The following THSD7B variants were observed in gnomAD, a reference collection of about 807,000 sequenced individuals.
THSD7B encodes the protein thrombospondin type-1 domain-containing protein 7B.
THSD7B carries 138 observed loss-of-function variants against 213.6 expected under a neutral mutation model. The ratio of observed to expected loss-of-function variants is 0.65; its 90% confidence interval spans 0.56 to 0.74. The LOEUF is 0.74. Ranked by LOEUF, THSD7B falls within the 30% of genes least tolerant of loss-of-function variation. The probability of loss-of-function intolerance (pLI) is 0.00; values close to 1 mark genes in which losing one functional copy is unlikely to be tolerated. For synonymous variants in THSD7B, 742 were observed against 687.0 expected (o/e 1.08, Z -1.25); for missense variants, 1,931 against 1,991.5 (o/e 0.97, Z 0.58).
intron 5 of THSD7B, among the ~76,000 whole-genome samples, chr2:137,134,739 G>T (rs1432206): frequency 0.67 from 101,243 of 152,078 alleles, 35,645 homozygotes; most frequent in Non-Finnish European, 0.77. Context: ...TCTGGAACAA[G>T]AGGCTCAATT....
At chr2:136,814,282 G>T (rs1682435331) in intron 1 of THSD7B, among the ~76,000 whole-genome samples, 2 of 152,148 alleles carry the variant, frequency 1.3e-5, no homozygotes, top group African/African-American at 4.8e-5. Flanking sequence ...ATTAGCCTCG[G>T]AATGGGCTTG....
intron 12 of THSD7B, among the ~76,000 whole-genome samples, chr2:137,348,250 G>GTCACCACCTTT (rs1360294113): frequency 1.3e-5 from 2 of 151,684 alleles, no homozygotes; most frequent in African/African-American, 2.4e-5. Context: ...ATTACACAAG[G>GTCACCACCTTT]TGGTGTCAAA....
At chr2:137,607,822 A>T (rs1319183899) in intron 17 of THSD7B, among the ~76,000 whole-genome samples, 1 of 152,218 alleles carries the variant, frequency 6.6e-6, no homozygotes, top group Admixed American at 6.5e-5. Flanking sequence ...GATTGTAAAT[A>T]TGCAACTTCA....
Position 137,117,731 on chromosome 2 carries a change from TG to T in THSD7B, c.1369+2445del, listed in dbSNP as rs906828886. ...CTGATTTTAGAGGAATTTACAATCTTGGGGGGGAAAAACAGACTTCATTTCC... is the reference window on the plus strand; with the variant it reads ...CTGATTTTAGAGGAATTTACAATCTTGGGGGGAAAAACAGACTTCATTTCC... On this transcript the variant is annotated intron_variant, in intron 5 of 27. Coordinates refer to ENST00000409968, the MANE Select transcript of THSD7B (RefSeq NM_001316349.2). 6.6e-5 allele frequency among the ~76,000 whole-genome samples: 10 copies of T among 152,156 alleles called. No individual in the cohort carries two copies. The South Asian group carries it at 1.2e-3, about 19-fold the overall frequency.
chr2:137,616,164 G>A lies in THSD7B; in HGVS notation c.3424-11G>A. The A allele has an allele frequency of 1.2e-6, 2 of 1,609,114 alleles. No homozygotes were observed. The highest frequency in any genetic ancestry group is 1.7e-5 in the Admixed American group (1 of 58,950). On this transcript the variant is annotated splice_polypyrimidine_tract_variant and intron_variant, in intron 17 of 27. Coordinates refer to ENST00000409968, the MANE Select transcript of THSD7B (RefSeq NM_001316349.2). ...GCCCACAGTCAACTTTTCCTACTCT[G>A]ATTTTAATAGTCATGCGATCCCCAC...
At position 136,921,009 on chromosome 2, in the gene THSD7B, G is replaced by T. The variant is rs573585288; in HGVS notation, c.139+38692G>T. 2.6e-5 allele frequency among the ~76,000 whole-genome samples: 4 copies of T among 152,214 alleles called. No homozygotes were observed. In the East Asian group the frequency reaches 7.8e-4, roughly 30 times the overall value. On this transcript the variant is annotated intron_variant, in intron 2 of 27. Coordinates refer to ENST00000409968, the MANE Select transcript of THSD7B (RefSeq NM_001316349.2). The stretch of plus-strand genomic sequence containing the variant: ...CTTCCTGGGCCCCTGAGAGCCCAGG[G>T]ATGCCAGGGTCTGGAGCTGAACTCG...
intron 14 of THSD7B, among the ~76,000 whole-genome samples, chr2:137,413,824 C>T (rs1289331376): frequency 1.3e-5 from 2 of 152,144 alleles, no homozygotes; most frequent in Non-Finnish European, 2.9e-5. Flanking sequence ...CTTTTGACTA[C>T]TGTCTACAGA....
intron 1 of THSD7B, among the ~76,000 whole-genome samples, chr2:136,777,506 C>T (rs941240316): frequency 3.3e-5 from 5 of 152,076 alleles, no homozygotes; most frequent in Non-Finnish European, 4.4e-5. Flanking sequence ...TCCCAGTTGT[C>T]AAATCCAAAA....
intron 21 of THSD7B, among the ~76,000 whole-genome samples, chr2:137,651,686 CATTT>C (rs1422283963): frequency 6.6e-6 from 1 of 151,952 alleles, no homozygotes; most frequent in Non-Finnish European, 1.5e-5. Context: ...TCAATGTAGA[CATTT>C]ATTGCTGTAA....
At chr2:136,892,537 G>T (rs1020115451) in intron 2 of THSD7B, among the ~76,000 whole-genome samples, 2 of 151,958 alleles carry the variant, frequency 1.3e-5, no homozygotes, top group African/African-American at 4.8e-5. Flanking sequence ...GTGGGTCTCG[G>T]TGGAGATGGC....
At chr2:137,021,524 G>T (rs980792025) in intron 2 of THSD7B, among the ~76,000 whole-genome samples, 1 of 152,110 alleles carries the variant, frequency 6.6e-6, no homozygotes, top group Non-Finnish European at 1.5e-5. Context: ...TTGGTTATAT[G>T]AATCTACTTA....
chr2:137,498,061 A>G (rs1376783536), intron 15 of THSD7B, among the ~76,000 whole-genome samples: 1 of 152,214 alleles, frequency 6.6e-6, no homozygotes, highest in Admixed American at 6.5e-5. Context: ...TTGCATATTA[A>G]ATAATCCAAG....
intron 2 of THSD7B, among the ~76,000 whole-genome samples, chr2:137,024,593 A>T (rs572306456): frequency 6.6e-6 from 1 of 152,216 alleles, no homozygotes; most frequent in East Asian, 1.9e-4. Flanking sequence ...TTAGCACCTT[A>T]TTTCATTATA....
intron 1 of THSD7B, among the ~76,000 whole-genome samples, chr2:136,767,578 A>G (rs1395629199): frequency 2.6e-5 from 4 of 152,174 alleles, no homozygotes; most frequent in Non-Finnish European, 5.9e-5. Context: ...AAAATTATGA[A>G]GAAAATTCTT....
intron 7 of THSD7B, among the ~76,000 whole-genome samples, chr2:137,225,141 C>T (rs1328346966): frequency 6.6e-6 from 1 of 152,158 alleles, no homozygotes; most frequent in African/African-American, 2.4e-5. Context: ...TAATTTAGCT[C>T]ATCATACATT....
At chr2:137,565,567 G>A (rs971721085) in intron 16 of THSD7B, among the ~76,000 whole-genome samples, 16 of 152,096 alleles carry the variant, frequency 1.1e-4, no homozygotes, top group East Asian at 5.8e-4. Flanking sequence ...AAGGCCTCAC[G>A]TCTTGGTACT....
At chr2:136,841,802 G>A (rs940322906) in intron 1 of THSD7B, among the ~76,000 whole-genome samples, 5 of 152,048 alleles carry the variant, frequency 3.3e-5, no homozygotes, top group African/African-American at 1.2e-4. Context: ...GGTTGCTTAC[G>A]AATCTGGATC....
chr2:137,374,665 C>T (rs1196680455), intron 12 of THSD7B, among the ~76,000 whole-genome samples: 1 of 152,102 alleles, frequency 6.6e-6, no homozygotes, highest in African/African-American at 2.4e-5. Context: ...AATAATTATG[C>T]ATAAGTGCTT....
Position 137,411,820 on chromosome 2 carries a change from C to T in THSD7B, c.2907C>T (p.Ala969=). 1 of 1,613,948 alleles carries T rather than the reference C, an allele frequency of 6.2e-7. No homozygotes were observed. Among genetic ancestry groups the T allele is most frequent in the South Asian group, 1.1e-5 (1 of 91,080 alleles). The change falls in exon 14 of 28, where the codon GCC becomes GCT. Residue 969 remains alanine (A), a synonymous_variant. Coordinates refer to ENST00000409968, the MANE Select transcript of THSD7B (RefSeq NM_001316349.2). ...AAGGCCTGCGCTTTCGAGCAGTAGC[C>T]TGTTCTGATAAAAATGGAAGACCTG... is the stretch of plus-strand genomic sequence containing the variant. ...CGEGLRFRAV[A]CSDKNGRPVD...
Sources: gnomAD v4.1 joint callset for allele counts (sites outside exome capture counted in the v4.1 genomes callset) on GRCh38, gnomAD v4.1.1 for gene constraint, MANE v1.5 for transcripts, NCBI Gene and HGNC (gene_info 2026-07-23, HGNC 2026-07-21) for gene names.